S100PBP: variants seen among roughly 807,000 people sequenced by gnomAD.
The protein encoded by S100PBP is S100P binding protein.
In S100PBP, 15 loss-of-function variants were observed where a neutral mutation model predicts 39.9. That is an observed-to-expected ratio of 0.38 (90% CI 0.25 to 0.58). S100PBP has a LOEUF of 0.58. Among genes scored for constraint, S100PBP ranks in the 20% least tolerant of loss-of-function variants. The pLI is 0.70. For synonymous variants in S100PBP, 178 were observed against 180.3 expected (o/e 0.99, Z 0.10); for missense variants, 504 against 487.3 (o/e 1.03, Z -0.32).
Position 32,830,054 on chromosome 1 carries a change from G to A in S100PBP, c.1011G>A (p.Glu337=). ...TCATTGCTCATATAGAAGACCCAGA[G>A]GACACTAACCAAGGTAACATGGTAC... The part of the protein sequence containing the change: ...RSVIAHIEDP[E]DTNQGISGEL... Residue 337 remains glutamate, a synonymous_variant, in exon 5 of 7, where the codon GAG becomes GAA. Transcript: ENST00000373475. 1.9e-6 allele frequency: 3 copies of A among 1,604,708 alleles called. No individual in the cohort carries two copies. Among genetic ancestry groups the A allele is most frequent in the Admixed American group, 1.7e-5 (1 of 59,954 alleles).
At chr1:32,824,381 T>G (rs1344397998) in intron 1 of S100PBP, among the ~76,000 whole-genome samples, 3 of 152,224 alleles carry the variant, frequency 2.0e-5, no homozygotes, top group Non-Finnish European at 4.4e-5. Context: ...ACTAGCATTT[T>G]ATCACCTTTC....
chr1:32,838,461 A>G (rs781430698), intron 5 of S100PBP, among the ~76,000 whole-genome samples: 7 of 152,050 alleles, frequency 4.6e-5, no homozygotes, highest in Admixed American at 1.3e-4. Context: ...ACAATTGGGT[A>G]TGGTCACTAT....
chr1:32,853,536 G>A (rs1640708709), intron 6 of S100PBP, among the ~76,000 whole-genome samples: 1 of 151,690 alleles, frequency 6.6e-6, no homozygotes, highest in Admixed American at 6.6e-5. Flanking sequence ...GGAATGTAGT[G>A]GGGAGTAGGG....
chr1:32,853,493 TGGGG>T (rs4011934), intron 6 of S100PBP, among the ~76,000 whole-genome samples: 3 of 138,338 alleles, frequency 2.2e-5, no homozygotes, highest in Admixed American at 7.2e-5. Context: ...GAAAAGGCGG[TGGGG>T]GGGGGGCGCG....
chr1:32,824,827 C>CACATATATATATATATATATATATATAT (rs1308786898), intron 1 of S100PBP: 1 of 129,594 alleles, frequency 7.7e-6, no homozygotes, highest in African/African-American at 3.2e-5. Flanking sequence ...TTTTTCTATA[C>CACATATATATATATATATATATATATAT]ATATATATAT....
intron 5 of S100PBP, chr1:32,843,008 G>A (rs1232852657): frequency 6.6e-6 from 1 of 152,082 alleles, no homozygotes; most frequent in Non-Finnish European, 1.5e-5. Context: ...ATTTATCCCG[G>A]AGTGTTTCAT....
chr1:32,847,878 T>C (rs1278191620), intron 5 of S100PBP, among the ~76,000 whole-genome samples: 2 of 152,130 alleles, frequency 1.3e-5, no homozygotes, highest in African/African-American at 4.8e-5. Flanking sequence ...TTACATTGCA[T>C]GGAATAGAGA....
chr1:32,843,258 T>C (rs1269086896), intron 5 of S100PBP: 4 of 152,210 alleles, frequency 2.6e-5, no homozygotes, highest in Non-Finnish European at 5.9e-5. Flanking sequence ...GCCTTTTATT[T>C]TCTTTTCTGG....
rs3737251 is a variant in S100PBP at position 32,817,982 on chromosome 1, G to C, written c.-120+293G>C. On this transcript the variant is annotated intron_variant, in intron 1 of 6. Transcript: ENST00000373475. The stretch of plus-strand genomic sequence containing the variant: ...AGCGCCGTCTGCAGTCCCCTGCCCA[G>C]TGGGGGTGGGGGCCGCCTCTGTCCC... 0.14 allele frequency: 20,925 copies of C among 152,526 alleles called. 1,786 individuals carry two copies. The highest frequency in any genetic ancestry group is 0.23 in the South Asian group (1,121 of 4,896). 9.4% of individuals were successfully genotyped at this position (152,526 alleles called of 1,614,324 possible). A position where few individuals can be genotyped will look rare whatever the true frequency, so the allele number is the denominator to read the frequency against.
At chr1:32,827,128 A>C (rs1639365416) in intron 3 of S100PBP, among the ~76,000 whole-genome samples, 198 bp downstream of exon 3, 1 of 152,184 alleles carries the variant, frequency 6.6e-6, no homozygotes, top group South Asian at 2.1e-4. Context: ...CCTGACTAGC[A>C]CTGTGACCCT....
chr1:32,826,051 TA>T, intron 2 of S100PBP, 46 bp from the exon 3 acceptor site: 1 of 1,371,964 alleles, frequency 7.3e-7, no homozygotes, highest in Non-Finnish European at 1.0e-6. Context: ...GGAGTTGGTA[TA>T]AGGTTATTTT....
At chr1:32,833,208 T>C (rs1458429966) in intron 5 of S100PBP, among the ~76,000 whole-genome samples, 3 of 152,192 alleles carry the variant, frequency 2.0e-5, no homozygotes, top group African/African-American at 7.2e-5. Context: ...CATTACCTCA[T>C]AAGGCAGGTC....
chr1:32,836,366 A>G (rs1384152756), intron 5 of S100PBP: 4 of 170,720 alleles, frequency 2.3e-5, no homozygotes, highest in African/African-American at 9.6e-5. Context: ...TCCTGAGCTC[A>G]AGTGATCTCC....
chr1:32,843,016 C>T (rs1363732194), intron 5 of S100PBP: 1 of 152,128 alleles, frequency 6.6e-6, no homozygotes. Context: ...CGGAGTGTTT[C>T]ATATTGTGAT....
rs1639276977 is a variant in S100PBP at position 32,825,341 on chromosome 1, T to A, written c.-91T>A. The A allele has an allele frequency of 6.6e-5, 10 of 152,146 alleles. No individual in the cohort carries two copies. The highest frequency in any genetic ancestry group is 6.5e-4 in the Admixed American group (10 of 15,272). 9.4% of individuals were successfully genotyped at this position (152,146 alleles called of 1,614,324 possible). On this transcript the variant is annotated 5_prime_UTR_variant, in exon 2 of 7. Transcript: ENST00000373475. ...GGTGGGAGTCAATCATTTTGACAAG[T>A]CTCCTGAAAGGAACAGCTAGCAGGA...
chr1:32,835,818 T>C (rs1469929002), intron 5 of S100PBP: 1 of 152,148 alleles, frequency 6.6e-6, no homozygotes, highest in Non-Finnish European at 1.5e-5. Context: ...TGAATAATAT[T>C]CCATTGTATA....
At chr1:32,833,488 A>C (rs1639690044) in intron 5 of S100PBP, among the ~76,000 whole-genome samples, 3 of 151,088 alleles carry the variant, frequency 2.0e-5, no homozygotes, top group Admixed American at 1.3e-4. Context: ...CAGCCTCCTG[A>C]GTAGCTGGGA....
chr1:32,819,751 C>A (rs943564942), intron 1 of S100PBP, among the ~76,000 whole-genome samples: 1 of 152,076 alleles, frequency 6.6e-6, no homozygotes, highest in Non-Finnish European at 1.5e-5. Flanking sequence ...GAGGATTTCC[C>A]CCCTTGCACA....
chr1:32,845,289 C>T (rs2148681114), intron 5 of S100PBP, among the ~76,000 whole-genome samples: 1 of 152,186 alleles, frequency 6.6e-6, no homozygotes, highest in South Asian at 2.1e-4. Flanking sequence ...AAAATAGAGA[C>T]AGTAGCCGAG....
Sources: gnomAD v4.1 joint callset for allele counts (sites outside exome capture counted in the v4.1 genomes callset) on GRCh38, gnomAD v4.1.1 for gene constraint, MANE v1.5 for transcripts, NCBI Gene and HGNC (gene_info 2026-07-23, HGNC 2026-07-21) for gene names.